Variants in ADAMTS13 observed in about 807,000 individuals in gnomAD.
The protein encoded by ADAMTS13 is ADAM metallopeptidase with thrombospondin type 1 motif 13.
A neutral mutation model predicts 155.1 loss-of-function variants in ADAMTS13; 110 were observed. That is an observed-to-expected ratio of 0.71 (90% CI 0.61 to 0.83). The LOEUF (loss-of-function observed/expected upper bound fraction) is 0.83, where lower values mean the gene tolerates loss of function less well. Among genes scored for constraint, ADAMTS13 ranks in the 40% least tolerant of loss-of-function variants. The probability of loss-of-function intolerance (pLI) is 0.00; values close to 1 mark genes in which losing one functional copy is unlikely to be tolerated. For synonymous variants in ADAMTS13, 758 were observed against 756.4 expected, an observed-to-expected ratio of 1.00 and a Z score of -0.03; for missense variants, 1,707 against 1,891.7, an observed-to-expected ratio of 0.90 and a Z score of 1.81.
intron 7 of ADAMTS13, 52 bp downstream of exon 7, chr9:133,428,823 G>A (rs1554786045): frequency 2.4e-6 from 3 of 1,237,498 alleles, no homozygotes; most frequent in Middle Eastern, 3.2e-4. Context: ...AGCCCGCTGG[G>A]CCGCCAGCGC....
At chr9:133,438,775 A>C (rs777841151) in intron 14 of ADAMTS13, among the ~76,000 whole-genome samples, 3 of 152,048 alleles carry the variant, frequency 2.0e-5, no homozygotes, top group Admixed American at 6.6e-5. Flanking sequence ...TTAGCTGGGC[A>C]TGATGGCGGG....
rs186096367 is a variant in ADAMTS13, at chr9:133,440,954, G to A, written c.1968+429G>A. ...AAGGTCCTACTGTGTGGGTTTGTGG[G>A]GAGATGAAGGCATGGACGCAGGTGC... On this transcript the variant is annotated intron_variant, in intron 16 of 28. Coordinates refer to ENST00000355699, the MANE Select transcript of ADAMTS13 (RefSeq NM_139027.6). The surrounding 1 kb of genome is among the most constrained non-coding windows in gnomAD (Gnocchi z 4.3). Among the ~76,000 whole-genome samples the A allele has an allele frequency of 6.6e-6, 1 of 152,262 alleles. No individual in the cohort carries two copies. The highest frequency in any genetic ancestry group is 1.9e-4 in the East Asian group (1 of 5,176).
rs782391507 is a variant in ADAMTS13, at chr9:133,439,450, A to G, written c.1786+4A>G. The G allele has an allele frequency of 1.2e-6, 2 of 1,612,496 alleles. No individual in the cohort carries two copies. Among genetic ancestry groups the G allele is most frequent in the South Asian group, 2.2e-5 (2 of 91,050 alleles). On this transcript the variant is annotated splice_donor_region_variant and intron_variant, in intron 15 of 28. Coordinates refer to ENST00000355699, the MANE Select transcript of ADAMTS13 (RefSeq NM_139027.6). ...AGGCCTCTCTTCACACACTTGGGTG[A>G]GTTGACTGGAGGACTCCCACCCAGT...
intron 11 of ADAMTS13, among the ~76,000 whole-genome samples, chr9:133,435,999 A>G (rs1554788900): frequency 1.6e-5 from 2 of 123,748 alleles, no homozygotes; most frequent in Admixed American, 1.7e-4. Flanking sequence ...TTTTTTTTTA[A>G]TAGAGATGGG....
chr9:133,436,650 TAGAG>T (rs1012409407), intron 11 of ADAMTS13, among the ~76,000 whole-genome samples, 175 bp from the exon 12 acceptor site: 2 of 152,096 alleles, frequency 1.3e-5, no homozygotes, highest in African/African-American at 2.4e-5. Context: ...TTCCCATCAA[TAGAG>T]AGAGGCAGGC....
At chr9:133,432,291 T>G (rs781836399) in intron 8 of ADAMTS13, among the ~76,000 whole-genome samples, 3 of 151,840 alleles carry the variant, frequency 2.0e-5, no homozygotes, top group Non-Finnish European at 2.9e-5. Context: ...AAAAATAAAT[T>G]AAAACATTTG....
At chr9:133,439,290 G>A (rs1470492704) in intron 14 of ADAMTS13, 76 bp from the exon 15 acceptor site, 1 of 1,186,242 alleles carries the variant, frequency 8.4e-7, no homozygotes, top group Non-Finnish European at 1.3e-6. Context: ...TTCCCGACCA[G>A]CTAAGATCAG....
Position 133,425,651 on chromosome 9 carries a change from G to A in ADAMTS13, c.414+39G>A, listed in dbSNP as rs782634725. On this transcript the variant is annotated intron_variant, in intron 4 of 28. Coordinates refer to ENST00000355699, the MANE Select transcript of ADAMTS13 (RefSeq NM_139027.6). This position sits in a 1 kb window ranked among gnomAD's most constrained non-coding sequence, Gnocchi z 4.6. ...TGGAACTCAGCACACCATACAGAGC[G>A]GGAAGCCCAAGTCATCGCATCTCCA... 23 of 1,600,762 alleles carry A rather than the reference G, an allele frequency of 1.4e-5. No homozygotes were observed. The highest frequency in any genetic ancestry group is 5.4e-5 in the African/African-American group (4 of 74,578).
intron 8 of ADAMTS13, among the ~76,000 whole-genome samples, chr9:133,431,789 G>A (rs1351758111): frequency 6.6e-6 from 1 of 152,152 alleles, no homozygotes; most frequent in African/African-American, 2.4e-5. Context: ...CGAATAGCTG[G>A]GACTACAGGT....
intron 21 of ADAMTS13, among the ~76,000 whole-genome samples, chr9:133,446,565 C>T (rs1282777089): frequency 1.3e-5 from 2 of 152,214 alleles, no homozygotes; most frequent in African/African-American, 4.8e-5. Context: ...ACAGGTTTAT[C>T]CATTTATTCA....
At chr9:133,420,936 G>A (rs587624315), upstream of ADAMTS13, among the ~76,000 whole-genome samples, 2 of 152,364 alleles carry the variant, frequency 1.3e-5, no homozygotes, top group East Asian at 3.9e-4. Flanking sequence ...CAGGAGGACA[G>A]TGTGGGTCAA....
intron 6 of ADAMTS13, 99 bp from the exon 7 acceptor site, chr9:133,428,535 T>A: frequency 2.9e-6 from 2 of 682,746 alleles, no homozygotes; most frequent in African/African-American, 1.9e-5. Context: ...GCTGCGGCAC[T>A]AGGGCGCCGG....
chr9:133,425,588 G>T lies in ADAMTS13; in HGVS notation c.390G>T (p.Lys130Asn), dbSNP rs1554785007. The T allele has an allele frequency of 1.2e-6, 2 of 1,613,624 alleles. No homozygotes were observed. Among genetic ancestry groups the T allele is most frequent in the Admixed American group, 3.3e-5 (2 of 59,988 alleles). ...LGAQFRVHLVKMVILTEPEGA... is the reference protein window; with the variant it reads ...LGAQFRVHLVNMVILTEPEGA... ...CTCAGTTTCGGGTGCACCTGGTGAA[G>T]ATGGTCATTCTGACAGAGCCTGAGG... is the stretch of plus-strand genomic sequence containing the variant. Residue 130 changes from lysine to asparagine, a missense_variant, in exon 4 of 29, where the codon AAG becomes AAT. Physicochemically the swap from Lys to Asn is moderately conservative, Grantham distance 94 (BLOSUM62 0). Transcript: ENST00000355699. This position sits in a 1 kb window ranked among gnomAD's most constrained non-coding sequence, Gnocchi z 4.6.
rs782539645 is a variant in ADAMTS13, at chr9:133,456,848, G to C, written c.3724+129G>C. On this transcript the variant is annotated intron_variant, in intron 27 of 28. Coordinates refer to ENST00000355699, the MANE Select transcript of ADAMTS13 (RefSeq NM_139027.6). This position sits in a 1 kb window ranked among gnomAD's most constrained non-coding sequence, Gnocchi z 4.4. Reference sequence around the variant, plus strand: ...GATACGGAGGGAACTGACTGAGATGGAAGGAACTGGGGTTGGCCAGTGTCA... The same window carrying C: ...GATACGGAGGGAACTGACTGAGATGCAAGGAACTGGGGTTGGCCAGTGTCA... The C allele has an allele frequency of 3.2e-5, 40 of 1,242,642 alleles. No individual in the cohort carries two copies. In the Middle Eastern group the frequency reaches 7.3e-4, roughly 23 times the overall value. 77.0% of individuals were successfully genotyped at this position (1,242,642 alleles called of 1,614,324 possible).
upstream of ADAMTS13, among the ~76,000 whole-genome samples, chr9:133,420,618 G>A (rs907086354): frequency 5.3e-5 from 8 of 152,164 alleles, no homozygotes; most frequent in African/African-American, 7.2e-5. Flanking sequence ...TGATTCTGGC[G>A]GCATAAACAG....
At chr9:133,451,404 C>T (rs1554794314) in intron 23 of ADAMTS13, among the ~76,000 whole-genome samples, 1 of 152,152 alleles carries the variant, frequency 6.6e-6, no homozygotes, top group East Asian at 1.9e-4. Context: ...AATACAGGCA[C>T]CCACAACCAC....
chr9:133,428,924 C>T (rs1440363436), intron 7 of ADAMTS13, among the ~76,000 whole-genome samples, 153 bp downstream of exon 7: 2 of 131,302 alleles, frequency 1.5e-5, no homozygotes, highest in Admixed American at 7.2e-5. Context: ...CAACCCCGCG[C>T]CCACCGCTCC....
intron 6 of ADAMTS13, among the ~76,000 whole-genome samples, chr9:133,427,913 C>G (rs1554785658): frequency 6.6e-6 from 1 of 152,240 alleles, no homozygotes; most frequent in Non-Finnish European, 1.5e-5. Context: ...GGGGCAGTAA[C>G]TTCTGGGTTT....
At chr9:133,433,806 G>A (rs1840973032) in intron 11 of ADAMTS13, 102 bp downstream of exon 11, 14 of 1,412,080 alleles carry the variant, frequency 9.9e-6, no homozygotes, top group Middle Eastern at 2.3e-4. Flanking sequence ...ATTTGAGAAG[G>A]ACATTGGGGC....
Sources: gnomAD v4.1 joint callset for allele counts (sites outside exome capture counted in the v4.1 genomes callset) on GRCh38, gnomAD v4.1.1 for gene constraint, Gnocchi (gnomAD v3.1) non-coding constraint, MANE v1.5 for transcripts, NCBI Gene and HGNC (gene_info 2026-07-23, HGNC 2026-07-21) for gene names.